Variants in LAMB1 observed in about 807,000 individuals in gnomAD.
LAMB1 encodes laminin subunit beta 1.
LAMB1 carries 121 observed loss-of-function variants against 222.3 expected under a neutral mutation model. The observed-to-expected ratio is 0.54, with a 90% CI of 0.47 to 0.63. The LOEUF (loss-of-function observed/expected upper bound fraction) is 0.63, where lower values mean the gene tolerates loss of function less well. Ranked by LOEUF, LAMB1 falls within the 30% of genes least tolerant of loss-of-function variation. The probability of loss-of-function intolerance (pLI) is 0.00; values close to 1 mark genes in which losing one functional copy is unlikely to be tolerated. For synonymous variants in LAMB1, 794 were observed against 807.2 expected (o/e 0.98, Z 0.28); for missense variants, 2,172 against 2,240.8 (o/e 0.97, Z 0.62).
At chr7:107,997,791 T>C (rs10229305) in intron 4 of LAMB1, among the ~76,000 whole-genome samples, 64,043 of 151,980 alleles carry the variant, frequency 0.42, 13,672 homozygotes, top group African/African-American at 0.49. Context: ...AAATCCCAAA[T>C]AGCAAAGACA....
chr7:107,984,080 C>T (rs1485277529), intron 7 of LAMB1, among the ~76,000 whole-genome samples: 4 of 152,148 alleles, frequency 2.6e-5, no homozygotes, highest in Admixed American at 2.0e-4. Context: ...GATTTCTCTT[C>T]AGTATTCTTT....
intron 32 of LAMB1, among the ~76,000 whole-genome samples, chr7:107,924,989 A>G (rs909179095): frequency 1.3e-5 from 2 of 152,198 alleles, no homozygotes; most frequent in East Asian, 3.9e-4. Context: ...CTCTTGTGAT[A>G]AAATGTCATT....
At chr7:107,943,735 C>T (rs142917015) in intron 24 of LAMB1, among the ~76,000 whole-genome samples, 2 of 152,264 alleles carry the variant, frequency 1.3e-5, no homozygotes, top group East Asian at 1.9e-4. Context: ...CACGCGACCC[C>T]GTTTTGTGGA....
Position 107,955,510 on chromosome 7 carries a change from AG to A in LAMB1, c.2810del (p.Pro937LeufsTer124), listed in dbSNP as rs1324723455. 1 of 1,614,154 alleles carries A rather than the reference AG, an allele frequency of 6.2e-7. No individual in the cohort carries two copies. The highest frequency in any genetic ancestry group is 2.2e-5 in the East Asian group (1 of 44,882). ...RQFARSCYQDPVTLQLACVCD... is the reference protein window; with the variant it reads ...RQFARSCYQDXVTLQLACVCD... ...AAACACAGGCAAGCTGTAAAGTAACAGGATCTTGGTAGCAGCTCCTGGCAAA... is the reference window on the plus strand; with the variant it reads ...AAACACAGGCAAGCTGTAAAGTAACAGATCTTGGTAGCAGCTCCTGGCAAA... On this transcript the variant is annotated frameshift_variant, in exon 21 of 34. Coordinates refer to ENST00000222399, the MANE Select transcript of LAMB1 (RefSeq NM_002291.3). LOFTEE classifies it high-confidence loss of function.
intron 24 of LAMB1, among the ~76,000 whole-genome samples, chr7:107,949,474 AAC>A (rs1205273329): frequency 6.6e-6 from 1 of 152,220 alleles, no homozygotes; most frequent in Non-Finnish European, 1.5e-5. Context: ...TGAGGAATTT[AAC>A]AGAGTAGTGA....
At chr7:107,995,271 G>T (rs572463498) in intron 4 of LAMB1, among the ~76,000 whole-genome samples, 5 of 152,302 alleles carry the variant, frequency 3.3e-5, no homozygotes, top group African/African-American at 1.2e-4. Context: ...TGCCTAGCCA[G>T]AAGTGAAACA....
At chr7:107,985,957 C>CA (rs2150446433) in intron 7 of LAMB1, 65 bp downstream of exon 7, 8 of 1,334,852 alleles carry the variant, frequency 6.0e-6, no homozygotes, top group Admixed American at 3.6e-5. Flanking sequence ...AACTCTGTCT[C>CA]AAAAAACAAA....
intron 24 of LAMB1, among the ~76,000 whole-genome samples, chr7:107,943,857 G>T (rs903772883): frequency 6.6e-6 from 1 of 152,162 alleles, no homozygotes; most frequent in African/African-American, 2.4e-5. Context: ...GATGGAGAAA[G>T]AGATACCCTT....
chr7:107,935,033 G>A (rs975243829), intron 27 of LAMB1, among the ~76,000 whole-genome samples: 1 of 152,002 alleles, frequency 6.6e-6, no homozygotes, highest in Admixed American at 6.6e-5. Flanking sequence ...CCTGAGCAAT[G>A]TAGTGAGACC....
chr7:107,924,850 T>G (rs542712514), intron 32 of LAMB1, among the ~76,000 whole-genome samples: 1 of 152,252 alleles, frequency 6.6e-6, no homozygotes, highest in Non-Finnish European at 1.5e-5. Context: ...AAGGTGAGAT[T>G]GTAGCATATG....
chr7:107,990,041 G>A (rs1035172710), intron 5 of LAMB1, among the ~76,000 whole-genome samples: 1 of 149,952 alleles, frequency 6.7e-6, no homozygotes, highest in Admixed American at 6.6e-5. Flanking sequence ...TTTTTTGTTT[G>A]TTTGTTTTGT....
At chr7:108,002,794 T>C in intron 2 of LAMB1, 55 bp downstream of exon 2, 1 of 1,612,230 alleles carries the variant, frequency 6.2e-7, no homozygotes, top group Admixed American at 1.7e-5. Flanking sequence ...CTTTTGGGTT[T>C]TCCTTCCCCA....
chr7:108,002,941 A>C lies in LAMB1; in HGVS notation c.-56T>G, dbSNP rs1018899311. 1.9e-6 allele frequency: 3 copies of C among 1,610,666 alleles called. No individual in the cohort carries two copies. The highest frequency in any genetic ancestry group is 2.7e-5 in the African/African-American group (2 of 74,760). ...AGAGGAGTGGAGAAGACGCCCGCCGAGCCGCCTGCCCTTTCTTCCCGTCTT... is the reference window on the plus strand; with the variant it reads ...AGAGGAGTGGAGAAGACGCCCGCCGCGCCGCCTGCCCTTTCTTCCCGTCTT... On this transcript the variant is annotated 5_prime_UTR_variant, in exon 2 of 34. Transcript: ENST00000222399.
At chr7:107,972,872 C>T (rs2033776435) in intron 13 of LAMB1, 120 bp downstream of exon 13, 1 of 780,688 alleles carries the variant, frequency 1.3e-6, no homozygotes, top group Non-Finnish European at 2.3e-6. Flanking sequence ...ACACATTTAT[C>T]AAGACATACA....
chr7:107,926,226 T>A lies in LAMB1; in HGVS notation c.5021A>T (p.Lys1674Ile). ...QNSGEAEYIE[K>I]VVYTVKQSAE... ...ACTTTGCTTCACAGTATATACTACT[T>A]TTTCAATATATTCTGCCTCCCCGGA... The change falls in exon 32 of 34, where the codon AAA becomes ATA. Residue 1674 changes from lysine to isoleucine, a missense_variant. Coordinates refer to ENST00000222399, the MANE Select transcript of LAMB1 (RefSeq NM_002291.3). 1 of 1,613,988 alleles carries A rather than the reference T, an allele frequency of 6.2e-7. No homozygotes were observed. The highest frequency in any genetic ancestry group is 8.5e-7 in the Non-Finnish European group (1 of 1,179,856).
chr7:107,927,813 G>A (rs1256358018), intron 31 of LAMB1, among the ~76,000 whole-genome samples: 2 of 152,154 alleles, frequency 1.3e-5, no homozygotes. Context: ...GAGGAAAATG[G>A]ACAGAATTAT....
rs1473749277 is a variant in LAMB1 at position 107,926,317 on chromosome 7, C to T, written c.4930G>A (p.Ala1644Thr). 7 of 1,613,790 alleles carry T rather than the reference C, an allele frequency of 4.3e-6. No individual in the cohort carries two copies. The highest frequency in any genetic ancestry group is 4.5e-5 in the East Asian group (2 of 44,886). The change falls in exon 32 of 34, where the codon GCG (alanine) becomes ACG (threonine). Residue 1644 changes from alanine (A) to threonine (T), a missense_variant. Transcript: ENST00000222399. ...TCTAACTCGCTGATGCGCTGGGACG[C>T]GTTGAACAAGGTTTCCTCAGAAGCT... The part of the protein sequence containing the change: ...TAASEETLFN[A>T]SQRISELERN...
intron 13 of LAMB1, among the ~76,000 whole-genome samples, chr7:107,970,156 T>G (rs1279912466): frequency 6.6e-6 from 1 of 152,042 alleles, no homozygotes; most frequent in East Asian, 1.9e-4. Context: ...AAGCAATGCA[T>G]CAAGGGAGGG....
At position 107,953,759 on chromosome 7, in the gene LAMB1, C is replaced by T. The variant is rs2033313368; in HGVS notation, c.2855-5G>A. 2 of 1,613,442 alleles carry T rather than the reference C, an allele frequency of 1.2e-6. No homozygotes were observed. Among genetic ancestry groups the T allele is most frequent in the Non-Finnish European group, 1.7e-6 (2 of 1,179,494 alleles). ...CACAGTCGTCACATCTGGAACCTGT[C>T]ACCCGATAAAACCAAACACAAGATG... On this transcript the variant is annotated splice_polypyrimidine_tract_variant and splice_region_variant and intron_variant, in intron 21 of 33. Coordinates refer to ENST00000222399, the MANE Select transcript of LAMB1 (RefSeq NM_002291.3).
Sources: allele counts gnomAD v4.1 joint callset (sites outside exome capture counted in the v4.1 genomes callset), GRCh38; gene constraint gnomAD v4.1.1; transcripts MANE v1.5; gene names NCBI Gene and HGNC (gene_info 2026-07-23, HGNC 2026-07-21).